Variants in CCDC18 observed in about 807,000 individuals in gnomAD.
CCDC18 encodes the protein coiled-coil domain-containing protein 18.
CCDC18 carries 157 observed loss-of-function variants against 196.0 expected under a neutral mutation model. That is an observed-to-expected ratio of 0.80 (90% CI 0.70 to 0.91). CCDC18 has a LOEUF of 0.91. Among genes scored for constraint, CCDC18 ranks in the 40% least tolerant of loss-of-function variants. The pLI, the probability that CCDC18 is intolerant of heterozygous loss-of-function variation, is 0.00. For synonymous variants in CCDC18, 482 were observed against 529.2 expected, an observed-to-expected ratio of 0.91 and a Z score of 1.22; for missense variants, 1,465 against 1,611.6, an observed-to-expected ratio of 0.91 and a Z score of 1.56.
intron 6 of CCDC18, among the ~76,000 whole-genome samples, chr1:93,197,510 ATG>A (rs368216833): frequency 1.7e-4 from 25 of 151,326 alleles, no homozygotes; most frequent in East Asian, 5.8e-4. Context: ...GAATAAATAT[ATG>A]TGTGTGTGTG....
intron 28 of CCDC18, among the ~76,000 whole-genome samples, chr1:93,277,179 T>C (rs1665665121): frequency 2.7e-5 from 1 of 36,826 alleles, no homozygotes; most frequent in Non-Finnish European, 4.6e-5. Context: ...AAGGCGGTTT[T>C]TCCCTATCTC....
chr1:93,210,703 C>T, intron 9 of CCDC18, 99 bp from the exon 10 acceptor site: 50 of 769,868 alleles, frequency 6.5e-5, no homozygotes, highest in South Asian at 1.8e-4. Flanking sequence ...AAGTTGTTTC[C>T]ATTAAATTCA....
chr1:93,185,971 A>G (rs1030254267), intron 3 of CCDC18, among the ~76,000 whole-genome samples: 6 of 151,912 alleles, frequency 3.9e-5, no homozygotes, highest in African/African-American at 1.4e-4. Flanking sequence ...GGTTCTTCCT[A>G]TTTACTATCT....
chr1:93,189,102 C>T (rs189828346), intron 4 of CCDC18, among the ~76,000 whole-genome samples: 5 of 152,136 alleles, frequency 3.3e-5, no homozygotes, highest in African/African-American at 1.2e-4. Context: ...CATTAACCAT[C>T]CCCACCTCTC....
At chr1:93,258,667 C>G (rs1663358015) in intron 25 of CCDC18, 81 bp from the exon 26 acceptor site, 1 of 1,133,328 alleles carries the variant, frequency 8.8e-7, no homozygotes, top group Non-Finnish European at 1.2e-6. Flanking sequence ...TAAACTACTT[C>G]CAATAATGCA....
chr1:93,187,315 CTA>C (rs1248543259), intron 4 of CCDC18, among the ~76,000 whole-genome samples: 2 of 151,926 alleles, frequency 1.3e-5, no homozygotes, highest in East Asian at 3.9e-4. Context: ...AAAACAGTGT[CTA>C]TGTGTAGTCA....
At chr1:93,239,096 C>T (rs968457052) in intron 19 of CCDC18, among the ~76,000 whole-genome samples, 1 of 151,960 alleles carries the variant, frequency 6.6e-6, no homozygotes, top group African/African-American at 2.4e-5. Flanking sequence ...TTAAATATTA[C>T]CAGGTAGTAG....
intron 19 of CCDC18, among the ~76,000 whole-genome samples, chr1:93,238,697 G>A (rs1660370919): frequency 1.3e-5 from 2 of 152,108 alleles, no homozygotes; most frequent in African/African-American, 4.8e-5. Flanking sequence ...TGTCTGTAGG[G>A]GAGCTGCCGT....
intron 1 of CCDC18, among the ~76,000 whole-genome samples, chr1:93,181,247 C>T (rs1031267174): frequency 1.7e-4 from 20 of 117,136 alleles, no homozygotes; most frequent in African/African-American, 6.3e-4. Context: ...TTAGCTGTGT[C>T]AAGCGATCTT....
At position 93,191,903 on chromosome 1, in the gene CCDC18, C is replaced by T. The variant is rs1412734324; in HGVS notation, c.463-97C>T. 3 of 708,612 alleles carry T rather than the reference C, an allele frequency of 4.2e-6. No individual in the cohort carries two copies. In the Admixed American group the frequency reaches 7.6e-5, roughly 18 times the overall value. The allele number at this position is 708,612 out of a possible 1,614,324, so 43.9% of individuals were successfully genotyped here. Reference sequence around the variant, plus strand: ...TTATATCTGACCAATGATTTGGGAGCCCTATTGAACACCCTCATCTGACAG... The same window carrying T: ...TTATATCTGACCAATGATTTGGGAGTCCTATTGAACACCCTCATCTGACAG... On this transcript the variant is annotated intron_variant, in intron 4 of 28. Coordinates refer to ENST00000690025, the MANE Select transcript of CCDC18 (RefSeq NM_001378204.1).
At chr1:93,246,081 TC>T (rs1167034345) in intron 21 of CCDC18, 23 bp from the exon 22 acceptor site, 1 of 1,514,126 alleles carries the variant, frequency 6.6e-7, no homozygotes, top group Non-Finnish European at 9.0e-7. Context: ...TCTGCTTTGA[TC>T]TTTTTCCTTT....
intron 17 of CCDC18, among the ~76,000 whole-genome samples, chr1:93,231,920 G>GCT (rs758248515): frequency 1.3e-5 from 2 of 152,208 alleles, no homozygotes; most frequent in Non-Finnish European, 2.9e-5. Context: ...AGAATCAGGT[G>GCT]AAGTGCAGAT....
intron 23 of CCDC18, among the ~76,000 whole-genome samples, chr1:93,253,567 C>T (rs1662546950): frequency 6.6e-6 from 1 of 152,136 alleles, no homozygotes; most frequent in Non-Finnish European, 1.5e-5. Flanking sequence ...GGACAGGTCT[C>T]CCTTTGGGTC....
At chr1:93,269,927 A>T (rs1022815081) in intron 27 of CCDC18, among the ~76,000 whole-genome samples, 5 of 152,194 alleles carry the variant, frequency 3.3e-5, no homozygotes, top group African/African-American at 1.2e-4. Context: ...AAAGCAGAAT[A>T]GCTTATCTAT....
chr1:93,252,007 A>G (rs1412453178), intron 23 of CCDC18, among the ~76,000 whole-genome samples: 7 of 128,100 alleles, frequency 5.5e-5, no homozygotes, highest in East Asian at 2.3e-4. Flanking sequence ...CTATTTATCT[A>G]TCTATCTGTC....
chr1:93,197,753 T>C (rs1481157707), intron 6 of CCDC18, among the ~76,000 whole-genome samples: 4 of 133,846 alleles, frequency 3.0e-5, no homozygotes, highest in Admixed American at 1.5e-4. Flanking sequence ...TTCTTTTTTT[T>C]TTTTTTTTTT....
rs1664295847 is a variant in CCDC18, at chr1:93,264,920, G to A, written c.3885+19G>A. 3 of 1,498,304 alleles carry A rather than the reference G, an allele frequency of 2.0e-6. No homozygotes were observed. The highest frequency in any genetic ancestry group is 2.8e-6 in the Non-Finnish European group (3 of 1,075,798). 92.8% of individuals were successfully genotyped at this position (1,498,304 alleles called of 1,614,324 possible). On this transcript the variant is annotated intron_variant, in intron 27 of 28. Coordinates refer to ENST00000690025, the MANE Select transcript of CCDC18 (RefSeq NM_001378204.1). ...TACTAAAGTAAGTAAACATATAAAAGTAATAAAGCATATCTATGAAAACAT... is the reference window on the plus strand; with the variant it reads ...TACTAAAGTAAGTAAACATATAAAAATAATAAAGCATATCTATGAAAACAT...
chr1:93,212,215 A>T lies in CCDC18; in HGVS notation c.1449A>T (p.Leu483Phe). 1 of 1,609,274 alleles carries T rather than the reference A, an allele frequency of 6.2e-7. No individual in the cohort carries two copies. The highest frequency in any genetic ancestry group is 8.5e-7 in the Non-Finnish European group (1 of 1,178,316). Residue 483 changes from leucine to phenylalanine, a missense_variant, in exon 11 of 29, where the codon TTA becomes TTT. Leu to Phe is a conservative substitution (Grantham distance 22, BLOSUM62 0). Coordinates refer to ENST00000690025, the MANE Select transcript of CCDC18 (RefSeq NM_001378204.1). ...ATGACAGCCAAGAAAGTAGCAAATT[A>T]AGTAGTTTAGAAACAGAACCTGTAA... is the stretch of plus-strand genomic sequence containing the variant. Reference protein sequence around the residue: ...TCNDSQESSKLSSLETEPVKL... With the variant: ...TCNDSQESSKFSSLETEPVKL...
chr1:93,254,971 G>A (rs1239712631), intron 24 of CCDC18, among the ~76,000 whole-genome samples: 2 of 10,178 alleles, frequency 2.0e-4, no homozygotes, highest in African/African-American at 3.0e-4. Flanking sequence ...TTTTTTTTTT[G>A]AGACTGAGTC....
Sources: gnomAD v4.1 joint callset for allele counts (sites outside exome capture counted in the v4.1 genomes callset) on GRCh38, gnomAD v4.1.1 for gene constraint, MANE v1.5 for transcripts, NCBI Gene and HGNC (gene_info 2026-07-23, HGNC 2026-07-21) for gene names.